Variants in ARL2BP observed in about 807,000 individuals in gnomAD.
ARL2BP encodes ADP-ribosylation factor-like protein 2-binding protein.
In ARL2BP, 19 loss-of-function variants were observed where a neutral mutation model predicts 24.2. That is an observed-to-expected ratio of 0.79 (90% CI 0.55 to 1.15). The LOEUF is 1.15. Among genes scored for constraint, ARL2BP ranks in the 50% most tolerant of loss-of-function variants. The pLI, the probability that ARL2BP is intolerant of heterozygous loss-of-function variation, is 0.00. For synonymous variants in ARL2BP, 56 were observed against 70.5 expected (o/e 0.79, Z 1.03); for missense variants, 160 against 190.4 (o/e 0.84, Z 0.94).
At chr16:57,250,700 C>A in intron 5 of ARL2BP, 193 bp downstream of exon 5, 1 of 593,060 alleles carries the variant, frequency 1.7e-6, no homozygotes, top group Non-Finnish European at 3.0e-6. Flanking sequence ...AGCCCAGGTA[C>A]CAACTTAGAG....
intron 3 of ARL2BP, 116 bp downstream of exon 3, chr16:57,248,759 G>A: frequency 1.9e-6 from 1 of 521,924 alleles, no homozygotes; most frequent in Non-Finnish European, 3.4e-6. Context: ...TACACTTCCA[G>A]GAATCCTCAT....
chr16:57,245,728 G>GC, intron 1 of ARL2BP: 1 of 512,198 alleles, frequency 2.0e-6, no homozygotes, highest in Non-Finnish European at 3.5e-6. Context: ...CCCCTCCCTG[G>GC]CCCCCGCCTC....
At chr16:57,246,270 ATACT>A in intron 2 of ARL2BP, 129 bp downstream of exon 2, 1 of 867,268 alleles carries the variant, frequency 1.2e-6, no homozygotes, top group Non-Finnish European at 1.9e-6. Context: ...GCACAATGTA[ATACT>A]TAAGTAAAGG....
chr16:57,248,678 A>T, intron 3 of ARL2BP, 35 bp downstream of exon 3: 2 of 1,306,106 alleles, frequency 1.5e-6, no homozygotes, highest in Non-Finnish European at 2.1e-6. Flanking sequence ...CCAGGAGGTC[A>T]GAGTTTTTAA....
chr16:57,247,205 C>T lies in ARL2BP; in HGVS notation c.100+1064C>T, dbSNP rs556201243. 2.6e-5 allele frequency: 4 copies of T among 152,230 alleles called. No individual in the cohort carries two copies. The East Asian group carries it at 5.8e-4, about 22-fold the overall frequency. 9.4% of individuals were successfully genotyped at this position (152,230 alleles called of 1,614,324 possible). A position where few individuals can be genotyped will look rare whatever the true frequency, so the allele number is the denominator to read the frequency against. Reference sequence around the variant, plus strand: ...AATATAGATGTTTCATCATTAAGCTCGTTTCCCATGTGGACTTGGGGATTT... The same window carrying T: ...AATATAGATGTTTCATCATTAAGCTTGTTTCCCATGTGGACTTGGGGATTT... On this transcript the variant is annotated intron_variant, in intron 2 of 5. Coordinates refer to ENST00000219204, the MANE Select transcript of ARL2BP (RefSeq NM_012106.4).
chr16:57,249,780 A>G lies in ARL2BP; in HGVS notation c.221A>G (p.Glu74Gly). ...PIFNEYISLVEKYIEEQLLQR... is the reference protein window; with the variant it reads ...PIFNEYISLVGKYIEEQLLQR... ...CCACTGTTGCAGATTTCTTTGGTAG[A>G]AAAATACATTGAAGAACAGCTGCTG... Residue 74 changes from glutamate to glycine, a missense_variant, in exon 4 of 6, where the codon GAA becomes GGA. Glu to Gly is a moderately conservative substitution (Grantham distance 98). Transcript: ENST00000219204. 6.2e-7 allele frequency: 1 copy of G among 1,614,166 alleles called. No individual in the cohort carries two copies. Among genetic ancestry groups the G allele is most frequent in the Non-Finnish European group, 8.5e-7 (1 of 1,179,962 alleles).
chr16:57,245,525 T>C, intron 1 of ARL2BP, 120 bp downstream of exon 1: 4 of 1,316,172 alleles, frequency 3.0e-6, no homozygotes, highest in Non-Finnish European at 4.2e-6. Flanking sequence ...CCGGGCAGGG[T>C]GGGGGCCGCC....
Position 57,250,507 on chromosome 16 carries a change from AGT to A in ARL2BP, c.390+1_390+2del. 1.2e-6 allele frequency: 2 copies of A among 1,612,662 alleles called. No homozygotes were observed. The highest frequency in any genetic ancestry group is 1.7e-6 in the Non-Finnish European group (2 of 1,178,648). ...AAGAAATGTTTTTGGACTACAGAGC[AGT>A]AAGTTACTACTCCTATTTATTTAGC... On this transcript the variant is annotated splice_donor_variant, in intron 5 of 5. Coordinates refer to ENST00000219204, the MANE Select transcript of ARL2BP (RefSeq NM_012106.4). LOFTEE classifies it high-confidence loss of function.
chr16:57,249,851 CA>C lies in ARL2BP; in HGVS notation c.293del (p.Gln98ArgfsTer42), dbSNP rs1200445904. 6.2e-7 allele frequency: 1 copy of C among 1,613,774 alleles called. No individual in the cohort carries two copies. The highest frequency in any genetic ancestry group is 8.5e-7 in the Non-Finnish European group (1 of 1,179,620). Reference protein sequence around the residue: ...FNMAAFTTTLQHHKDEVAGDI... With the variant: ...FNMAAFTTTLXHHKDEVAGDI... ...CATGGCAGCCTTCACCACAACATTA[CA>C]GTGAGTTGAGCTTGACTGATTTTTG... On this transcript the variant is annotated frameshift_variant and splice_region_variant, in exon 4 of 6. Transcript: ENST00000219204. LOFTEE classifies it high-confidence loss of function.
Position 57,252,337 on chromosome 16 carries a change from C to T in ARL2BP, c.*70C>T. The T allele has an allele frequency of 6.2e-7, 1 of 1,612,536 alleles. No individual in the cohort carries two copies. On this transcript the variant is annotated 3_prime_UTR_variant, in exon 6 of 6. Coordinates refer to ENST00000219204, the MANE Select transcript of ARL2BP (RefSeq NM_012106.4). ...GCCCAATAGGCTCAGCTCATGATGA[C>T]AGAACACATCTTGGAAAGACTGACT... is the stretch of plus-strand genomic sequence containing the variant.
intron 2 of ARL2BP, 199 bp downstream of exon 2, chr16:57,246,340 AAGCATAG>A: frequency 1.7e-6 from 1 of 583,454 alleles, no homozygotes; most frequent in Non-Finnish European, 3.0e-6. Context: ...AACATCTAAT[AAGCATAG>A]ATTCAGAGGC....
At chr16:57,246,204 T>A in intron 2 of ARL2BP, 63 bp downstream of exon 2, 2 of 1,484,884 alleles carry the variant, frequency 1.3e-6, no homozygotes, top group African/African-American at 2.8e-5. Flanking sequence ...TGAAATCAAT[T>A]TGGAGAGTTA....
chr16:57,245,896 C>G (rs1311006176), intron 1 of ARL2BP, 184 bp from the exon 2 acceptor site: 3 of 632,376 alleles, frequency 4.7e-6, no homozygotes, highest in South Asian at 1.9e-5. Context: ...ACAAACGTGC[C>G]GAGTGTGTTT....
intron 5 of ARL2BP, chr16:57,251,590 C>CAA (rs112435742): frequency 1.2e-4 from 13 of 105,282 alleles, no homozygotes; most frequent in Non-Finnish European, 1.4e-4. Flanking sequence ...ACCCCTATCT[C>CAA]AAAAAAAAAA....
chr16:57,249,605 G>A (rs2075401053), intron 3 of ARL2BP, 162 bp from the exon 4 acceptor site: 1 of 623,362 alleles, frequency 1.6e-6, no homozygotes, highest in African/African-American at 1.8e-5. Flanking sequence ...ACTTCTCCAG[G>A]ACAGGAGCTG....
In ARL2BP at chr16:57,248,623, A is replaced by G. The variant is rs1243869495; in HGVS notation, c.187A>G (p.Thr63Ala). The G allele has an allele frequency of 6.3e-7, 1 of 1,587,592 alleles. No individual in the cohort carries two copies. Among genetic ancestry groups the G allele is most frequent in the African/African-American group, 1.4e-5 (1 of 73,838 alleles). ...EDTEENKLIY[T>A]PIFNEYISLV... is the part of the protein sequence containing the mutation. ...CACAGAAGAGAATAAACTCATCTAC[A>G]CACCTATTTTTAATGAATACGTAAG... The change falls in exon 3 of 6, where the codon ACA becomes GCA. Residue 63 changes from threonine (T) to alanine (A), a missense_variant. Transcript: ENST00000219204.
At position 57,252,432 on chromosome 16, in the gene ARL2BP, C is replaced by T; in HGVS notation, c.*165C>T. ...ACCAAAATGACCTAACCCTCCTGGA[C>T]CTATTTATCCTGAAACACCTTCTTG... On this transcript the variant is annotated 3_prime_UTR_variant, in exon 6 of 6. Transcript: ENST00000219204. 2 of 1,276,476 alleles carry T rather than the reference C, an allele frequency of 1.6e-6. No individual in the cohort carries two copies. The highest frequency in any genetic ancestry group is 2.1e-6 in the Non-Finnish European group (2 of 931,738). The allele number at this position is 1,276,476 out of a possible 1,614,324, so 79.1% of individuals were successfully genotyped here. A position where few individuals can be genotyped will look rare whatever the true frequency, so the allele number is the denominator to read the frequency against.
At position 57,249,571 on chromosome 16, in the gene ARL2BP, C is replaced by T. The variant is rs1350109009; in HGVS notation, c.208-196C>T. On this transcript the variant is annotated intron_variant, in intron 3 of 5. Coordinates refer to ENST00000219204, the MANE Select transcript of ARL2BP (RefSeq NM_012106.4). Reference sequence around the variant, plus strand: ...GTTACAGCACCATTATCAGCTAAGGCTTCTCTTCCACACCAGGCTGAGTAC... The same window carrying T: ...GTTACAGCACCATTATCAGCTAAGGTTTCTCTTCCACACCAGGCTGAGTAC... The T allele has an allele frequency of 6.8e-6, 4 of 585,916 alleles. No individual in the cohort carries two copies. The African/African-American group carries it at 7.5e-5, about 11-fold the overall frequency. The allele number at this position is 585,916 out of a possible 1,614,324, so 36.3% of individuals were successfully genotyped here. A position where few individuals can be genotyped will look rare whatever the true frequency, so the allele number is the denominator to read the frequency against.
At chr16:57,250,898 C>A (rs574494728) in intron 5 of ARL2BP, 10 of 177,372 alleles carry the variant, frequency 5.6e-5, no homozygotes, top group South Asian at 1.2e-4. Flanking sequence ...GCCTCAGCCT[C>A]CCGAGTAGCT....
Sources: gnomAD v4.1 joint callset for allele counts on GRCh38, gnomAD v4.1.1 for gene constraint, MANE v1.5 for transcripts, NCBI Gene and HGNC (gene_info 2026-07-23, HGNC 2026-07-21) for gene names.